CLN8: variants seen among roughly 807,000 people sequenced by gnomAD.
CLN8 encodes the protein protein CLN8.
In CLN8, 14 loss-of-function variants were observed where a neutral mutation model predicts 15.7. The observed-to-expected ratio is 0.89, with a 90% CI of 0.59 to 1.39. The LOEUF is 1.39. Among genes scored for constraint, CLN8 ranks in the 40% most tolerant of loss-of-function variants. The pLI, the probability that CLN8 is intolerant of heterozygous loss-of-function variation, is 0.00. For missense variants in CLN8, 415 were observed against 364.0 expected (o/e 1.14, Z -1.14); for synonymous variants, 188 against 151.0 (o/e 1.25, Z -1.80).
chr8:1,777,569 A>G (rs1801568934), intron 2 of CLN8, among the ~76,000 whole-genome samples: 1 of 152,158 alleles, frequency 6.6e-6, no homozygotes, highest in African/African-American at 2.4e-5. Flanking sequence ...GTGTGTATAT[A>G]TATATATTCT....
intron 2 of CLN8, among the ~76,000 whole-genome samples, chr8:1,776,927 A>G (rs541190920): frequency 6.6e-6 from 1 of 152,340 alleles, no homozygotes; most frequent in South Asian, 2.1e-4. Flanking sequence ...TGGATGGTTT[A>G]CACAGACACG....
At chr8:1,758,509 C>T (rs7846610) in intron 1 of CLN8, 103,176 of 152,096 alleles carry the variant, frequency 0.68, 35,187 homozygotes, top group South Asian at 0.77. Context: ...AAGGGCAAGA[C>T]GATCCCCTGC....
chr8:1,768,719 A>G (rs1188441201), intron 1 of CLN8, among the ~76,000 whole-genome samples: 3 of 152,136 alleles, frequency 2.0e-5, no homozygotes, highest in South Asian at 2.1e-4. Flanking sequence ...TCTCCCCTCC[A>G]GGCATTAGGC....
chr8:1,779,460 G>T (rs1255688236), intron 2 of CLN8, among the ~76,000 whole-genome samples: 3 of 152,172 alleles, frequency 2.0e-5, no homozygotes, highest in Non-Finnish European at 4.4e-5. Flanking sequence ...GGCCAGGCTG[G>T]TCTCAAACTT....
chr8:1,763,127 T>G (rs1800847312), upstream of CLN8: 2 of 152,134 alleles, frequency 1.3e-5, no homozygotes, highest in South Asian at 4.1e-4. Flanking sequence ...TTGGGCCCTG[T>G]GTCCTCACCG....
intron 1 of CLN8, among the ~76,000 whole-genome samples, chr8:1,764,885 G>C (rs185898343): frequency 1.3e-3 from 191 of 152,326 alleles, no homozygotes; most frequent in Admixed American, 0.01. Context: ...CCCTCTGTGT[G>C]AAATCTGTAA....
intron 2 of CLN8, among the ~76,000 whole-genome samples, chr8:1,779,383 A>C (rs1801633489): frequency 6.6e-6 from 1 of 152,192 alleles, no homozygotes; most frequent in Non-Finnish European, 1.5e-5. Context: ...AGCTGGGATT[A>C]CATGGTGCGC....
chr8:1,774,870 C>G (rs984673800), intron 2 of CLN8, among the ~76,000 whole-genome samples: 1 of 152,154 alleles, frequency 6.6e-6, no homozygotes, highest in Non-Finnish European at 1.5e-5. Context: ...GTCTGTAGTA[C>G]CAGCCAATTG....
At chr8:1,779,993 G>A in intron 2 of CLN8, 1 of 985,480 alleles carries the variant, frequency 1.0e-6, no homozygotes, top group Non-Finnish European at 1.2e-6. Flanking sequence ...GGGAGCAGAA[G>A]CCAAAGAGCA....
upstream of CLN8, among the ~76,000 whole-genome samples, chr8:1,760,761 G>GGGA (rs955227342): frequency 3.9e-5 from 6 of 152,186 alleles, no homozygotes; most frequent in African/African-American, 1.4e-4. Flanking sequence ...ATCTTGCGCA[G>GGGA]GGAGGAACTC....
chr8:1,779,845 G>C, intron 2 of CLN8: 1 of 531,168 alleles, frequency 1.9e-6, no homozygotes, highest in African/African-American at 2.1e-5. Context: ...ACTTCCCAGG[G>C]TCTAGGTATG....
At chr8:1,777,021 T>C (rs554303340) in intron 2 of CLN8, among the ~76,000 whole-genome samples, 1 of 152,316 alleles carries the variant, frequency 6.6e-6, no homozygotes, top group East Asian at 1.9e-4. Context: ...AACGACGGGC[T>C]GTGTTCTGAG....
rs184131924 is a variant in CLN8, at chr8:1,766,825, C to G, written c.-124+2940C>G. On this transcript the variant is annotated intron_variant, in intron 1 of 2. Transcript: ENST00000331222. The stretch of plus-strand genomic sequence containing the variant: ...GTGGGAACCCCTGTGTCCCATTTTG[C>G]GTATCAAGAGTGAGAGGGTGTGGTT... Among the ~76,000 whole-genome samples, 564 of 152,294 alleles carry G rather than the reference C, an allele frequency of 3.7e-3. 4 individuals carry two copies. Among genetic ancestry groups the G allele is most frequent in the Non-Finnish European group, 4.3e-3 (290 of 68,032 alleles).
At chr8:1,768,495 G>C (rs1177004684) in intron 1 of CLN8, among the ~76,000 whole-genome samples, 1 of 152,190 alleles carries the variant, frequency 6.6e-6, no homozygotes, top group African/African-American at 2.4e-5. Context: ...TAGTGGTCTT[G>C]GCCAAGCGGA....
In CLN8 at chr8:1,786,427, T is replaced by G. The variant is rs1259149653; in HGVS notation, c.*5860T>G. The G allele has an allele frequency of 1.3e-5, 2 of 152,274 alleles. No homozygotes were observed. Among genetic ancestry groups the G allele is most frequent in the Non-Finnish European group, 2.9e-5 (2 of 68,046 alleles). The allele number at this position is 152,274 out of a possible 1,614,324, so 9.4% of individuals were successfully genotyped here. A position where few individuals can be genotyped will look rare whatever the true frequency, so the allele number is the denominator to read the frequency against. On this transcript the variant is annotated 3_prime_UTR_variant, in exon 3 of 3. Transcript: ENST00000331222. ...ATTTTCTTCTAATGCGAGAGCTTAT[T>G]AATTCCATATTTATCATTTTGAATA...
intron 2 of CLN8, chr8:1,773,000 T>A: frequency 2.5e-6 from 1 of 398,520 alleles, no homozygotes. Flanking sequence ...GTAGATGATA[T>A]CAGTCCATCA....
chr8:1,775,802 GAC>G (rs55742620), intron 2 of CLN8, among the ~76,000 whole-genome samples: 10,938 of 152,204 alleles, frequency 0.072, 484 homozygotes, highest in Non-Finnish European at 0.1. Context: ...TTTGTCTTCA[GAC>G]ACACACTCTT....
chr8:1,759,784 C>T (rs1241299654), upstream of CLN8: 5 of 152,132 alleles, frequency 3.3e-5, no homozygotes, highest in Admixed American at 6.5e-5. Flanking sequence ...TTGCAAGCAC[C>T]GCGGTCCTGC....
intron 1 of CLN8, among the ~76,000 whole-genome samples, chr8:1,769,559 C>T (rs1427874035): frequency 2.6e-5 from 4 of 152,192 alleles, no homozygotes; most frequent in Non-Finnish European, 5.9e-5. Flanking sequence ...CAAGTCCCTG[C>T]ACACTGGGTG....
Sources: allele counts gnomAD v4.1 joint callset (sites outside exome capture counted in the v4.1 genomes callset), GRCh38; gene constraint gnomAD v4.1.1; transcripts MANE v1.5; gene names NCBI Gene and HGNC (gene_info 2026-07-23, HGNC 2026-07-21).